The following NCK2 variants were observed in gnomAD, a reference collection of about 807,000 sequenced individuals.
NCK2 encodes cytoplasmic protein NCK2.
In NCK2, 16 loss-of-function variants were observed where a neutral mutation model predicts 33.9. The ratio of observed to expected loss-of-function variants is 0.47; its 90% CI spans 0.32 to 0.72. The LOEUF is 0.72. NCK2 is among the 30% of genes least tolerant of loss of function. The pLI is 0.03. For missense variants in NCK2, 418 were observed against 537.3 expected, an observed-to-expected ratio of 0.78 and a Z score of 2.19; for synonymous variants, 273 against 239.9, an observed-to-expected ratio of 1.14 and a Z score of -1.27.
rs1689657273 is a variant in NCK2, at chr2:105,758,333, A to T, written c.-201+13195A>T. ...ACATTTTACAGGTTTGTTTTATCCT[A>T]TTGATGGTTTCATTTGAACTGTGTT... is the stretch of plus-strand genomic sequence containing the variant. On this transcript the variant is annotated intron_variant, in intron 1 of 4. Transcript: ENST00000233154. 2.0e-5 allele frequency among the ~76,000 whole-genome samples: 3 copies of T among 150,774 alleles called. No homozygotes were observed. The South Asian group carries it at 6.3e-4, about 32-fold the overall frequency.
chr2:105,845,415 A>T (rs1267384191), intron 2 of NCK2, among the ~76,000 whole-genome samples: 1 of 141,792 alleles, frequency 7.1e-6, no homozygotes, highest in Non-Finnish European at 1.5e-5. Flanking sequence ...TTTTTTTTTG[A>T]GATGAATCTT....
intron 1 of NCK2, among the ~76,000 whole-genome samples, chr2:105,781,386 T>C (rs560376051): frequency 6.6e-6 from 1 of 152,334 alleles, no homozygotes; most frequent in South Asian, 2.1e-4. Flanking sequence ...CTTCCCACAC[T>C]GCAAGACTTG....
At chr2:105,868,035 A>G (rs1266920363) in intron 3 of NCK2, among the ~76,000 whole-genome samples, 1 of 152,044 alleles carries the variant, frequency 6.6e-6, no homozygotes, top group Non-Finnish European at 1.5e-5. Flanking sequence ...AGCAGGTATG[A>G]GGCTACTGAG....
At chr2:105,889,356 T>G (rs1402976231) in intron 4 of NCK2, among the ~76,000 whole-genome samples, 1 of 152,218 alleles carries the variant, frequency 6.6e-6, no homozygotes, top group African/African-American at 2.4e-5. Flanking sequence ...TAAATGGCAT[T>G]CCCATCTTTT....
chr2:105,834,832 G>A (rs577332876), intron 2 of NCK2, among the ~76,000 whole-genome samples: 16 of 152,022 alleles, frequency 1.1e-4, no homozygotes, highest in Middle Eastern at 3.4e-3. Context: ...GTGCTACCAT[G>A]TCTGGCTAAA....
intron 2 of NCK2, among the ~76,000 whole-genome samples, chr2:105,827,938 A>G (rs1676016126): frequency 6.6e-6 from 1 of 152,194 alleles, no homozygotes; most frequent in Non-Finnish European, 1.5e-5. Context: ...AGAACCATAT[A>G]TACTCATTAT....
chr2:105,801,706 T>C (rs778171416), intron 1 of NCK2, among the ~76,000 whole-genome samples: 3 of 152,000 alleles, frequency 2.0e-5, no homozygotes, highest in Admixed American at 6.6e-5. Flanking sequence ...GGCTGGGTGT[T>C]TGGGGACAGA....
At chr2:105,780,319 G>C (rs7589272) in intron 1 of NCK2, among the ~76,000 whole-genome samples, 2 of 142,042 alleles carry the variant, frequency 1.4e-5, no homozygotes, top group Admixed American at 7.0e-5. Context: ...ATGGGAGAGA[G>C]ATATATACAC....
intron 1 of NCK2, among the ~76,000 whole-genome samples, chr2:105,784,759 A>G (rs1285500274): frequency 6.6e-6 from 1 of 152,190 alleles, no homozygotes; most frequent in African/African-American, 2.4e-5. Flanking sequence ...TCCGTTCCTC[A>G]GCAGCCACTG....
At chr2:105,806,358 C>T (rs1675039384) in intron 1 of NCK2, among the ~76,000 whole-genome samples, 1 of 152,076 alleles carries the variant, frequency 6.6e-6, no homozygotes, top group Middle Eastern at 3.4e-3. Flanking sequence ...CTGCCTCAGC[C>T]TCCCGAGTAG....
chr2:105,832,538 A>G (rs947661427), intron 2 of NCK2, among the ~76,000 whole-genome samples: 27 of 152,298 alleles, frequency 1.8e-4, no homozygotes, highest in Admixed American at 8.5e-4. Context: ...ATGGTTTTCT[A>G]CATTTATCGA....
In NCK2 at chr2:105,821,928, G is replaced by A. The variant is rs181364505; in HGVS notation, c.-17+5315G>A. ...CCAGCCCACGTTCCTTCTGCTTCCC[G>A]GGCTGCTGTCTCTGACACATGATGG... is the stretch of plus-strand genomic sequence containing the variant. On this transcript the variant is annotated intron_variant, in intron 2 of 4. Transcript: ENST00000233154. 5.5e-3 allele frequency among the ~76,000 whole-genome samples: 833 copies of A among 150,810 alleles called. 1 individual carries two copies. Among genetic ancestry groups the A allele is most frequent in the Non-Finnish European group, 9.9e-3 (671 of 67,572 alleles).
At chr2:105,852,809 ACATGGT>A (rs1250246587) in intron 2 of NCK2, among the ~76,000 whole-genome samples, 1 of 152,162 alleles carries the variant, frequency 6.6e-6, no homozygotes, top group Non-Finnish European at 1.5e-5. Context: ...AGTGAGTTCT[ACATGGT>A]ATGCACTTGA....
chr2:105,822,874 T>G (rs979706511), intron 2 of NCK2, among the ~76,000 whole-genome samples: 5 of 152,064 alleles, frequency 3.3e-5, no homozygotes, highest in Admixed American at 6.5e-5. Context: ...GAGGTTACTT[T>G]CCTTGCCTAG....
intron 1 of NCK2, among the ~76,000 whole-genome samples, chr2:105,784,260 C>T (rs116022781): frequency 0.024 from 3,683 of 152,308 alleles, 66 homozygotes; most frequent in African/African-American, 0.024. Flanking sequence ...TGAGACACCA[C>T]GCCCGGCTGT....
At chr2:105,786,197 C>T (rs1690675950) in intron 1 of NCK2, among the ~76,000 whole-genome samples, 1 of 152,232 alleles carries the variant, frequency 6.6e-6, no homozygotes. Context: ...CAAACAATCC[C>T]AGCACCAGGG....
At chr2:105,859,740 T>G (rs1171453339) in intron 3 of NCK2, among the ~76,000 whole-genome samples, 1 of 152,170 alleles carries the variant, frequency 6.6e-6, no homozygotes, top group African/African-American at 2.4e-5. Context: ...GCTGTAGGAT[T>G]GTTACGTAAG....
rs370241867 is a variant in NCK2, at chr2:105,881,973, C to T, written c.872C>T (p.Thr291Met). The T allele has an allele frequency of 6.6e-7, 1 of 1,526,010 alleles. No homozygotes were observed. Among genetic ancestry groups the T allele is most frequent in the Non-Finnish European group, 8.8e-7 (1 of 1,138,096 alleles). The allele number at this position is 1,526,010 out of a possible 1,614,324, so 94.5% of individuals were successfully genotyped here. Residue 291 changes from threonine (T) to methionine (M), a missense_variant, in exon 4 of 5, where the codon ACG becomes ATG. Thr to Met is a moderately conservative substitution (Grantham distance 81). Transcript: ENST00000233154. ...AGREWYYGNV[T>M]RHQAECALNE... ...AGAGAGTGGTACTACGGGAACGTGA[C>T]GCGGCACCAGGCCGAGTGCGCCCTC...
At chr2:105,761,355 G>T (rs1689759143) in intron 1 of NCK2, among the ~76,000 whole-genome samples, 1 of 152,006 alleles carries the variant, frequency 6.6e-6, no homozygotes, top group Non-Finnish European at 1.5e-5. Context: ...CTTTCTCTTG[G>T]GTACAGAAAA....
Sources: allele counts gnomAD v4.1 joint callset (sites outside exome capture counted in the v4.1 genomes callset), GRCh38; gene constraint gnomAD v4.1.1; transcripts MANE v1.5; gene names NCBI Gene and HGNC (gene_info 2026-07-23, HGNC 2026-07-21).